Variants in CARMIL1 observed in about 807,000 individuals in gnomAD.
CARMIL1 encodes the protein F-actin-uncapping protein LRRC16A.
CARMIL1 carries 90 observed loss-of-function variants against 177.1 expected under a neutral mutation model. The ratio of observed to expected loss-of-function variants is 0.51; its 90% confidence interval spans 0.43 to 0.61. The LOEUF (loss-of-function observed/expected upper bound fraction) is 0.61. CARMIL1 is among the 20% of genes least tolerant of loss of function. CARMIL1 has a pLI of 0.00. For missense variants in CARMIL1, 1,380 were observed against 1,667.0 expected (o/e 0.83, Z 3.00); for synonymous variants, 577 against 606.2 (o/e 0.95, Z 0.71).
At chr6:25,334,058 TTA>T (rs1386819623) in intron 2 of CARMIL1, among the ~76,000 whole-genome samples, 1 of 152,212 alleles carries the variant, frequency 6.6e-6, no homozygotes, top group Non-Finnish European at 1.5e-5. Flanking sequence ...CTTAAAGTGG[TTA>T]TTCTTTCTTC....
At chr6:25,537,825 G>A (rs1395475069) in intron 24 of CARMIL1, 30 bp from the exon 25 acceptor site, 2 of 1,607,338 alleles carry the variant, frequency 1.2e-6, no homozygotes, top group African/African-American at 2.7e-5. Context: ...GGGCTGACTT[G>A]GATGCTTGCC....
intron 2 of CARMIL1, among the ~76,000 whole-genome samples, chr6:25,354,186 T>C (rs938324891): frequency 2.0e-5 from 3 of 151,908 alleles, no homozygotes; most frequent in African/African-American, 4.8e-5. Context: ...TTTGGGACAG[T>C]ATTTTGTCTG....
intron 2 of CARMIL1, among the ~76,000 whole-genome samples, chr6:25,372,935 G>A (rs972435511): frequency 6.6e-6 from 1 of 152,008 alleles, no homozygotes; most frequent in Non-Finnish European, 1.5e-5. Context: ...CTAGTTTGTT[G>A]AGAATTTTTA....
At chr6:25,406,363 G>T (rs1316042778) in intron 2 of CARMIL1, among the ~76,000 whole-genome samples, 1 of 152,194 alleles carries the variant, frequency 6.6e-6, no homozygotes, top group Non-Finnish European at 1.5e-5. Flanking sequence ...TGGCTGGGTT[G>T]AAGTGAGGCT....
intron 2 of CARMIL1, among the ~76,000 whole-genome samples, chr6:25,414,721 G>A (rs1795219365): frequency 1.3e-5 from 2 of 152,024 alleles, no homozygotes; most frequent in African/African-American, 4.8e-5. Context: ...ACCCACAAGT[G>A]GGTACAGTTT....
intron 2 of CARMIL1, among the ~76,000 whole-genome samples, chr6:25,359,232 C>T (rs1200017097): frequency 6.6e-6 from 1 of 152,188 alleles, no homozygotes; most frequent in African/African-American, 2.4e-5. Flanking sequence ...GACTTGGACT[C>T]ACTGATTTGT....
intron 12 of CARMIL1, among the ~76,000 whole-genome samples, chr6:25,485,925 A>G (rs1009482758): frequency 6.7e-6 from 1 of 150,024 alleles, no homozygotes; most frequent in African/African-American, 2.4e-5. Context: ...TGGCTCGATA[A>G]CGCAAGACAG....
At chr6:25,436,985 G>T (rs755763961) in intron 5 of CARMIL1, among the ~76,000 whole-genome samples, 7 of 152,092 alleles carry the variant, frequency 4.6e-5, no homozygotes, top group Non-Finnish European at 1.0e-4. Context: ...AGCAGTGGGT[G>T]GTTGGATGAG....
intron 2 of CARMIL1, among the ~76,000 whole-genome samples, chr6:25,413,178 T>G (rs1268907277): frequency 2.0e-5 from 3 of 152,122 alleles, no homozygotes; most frequent in Non-Finnish European, 4.4e-5. Context: ...TAATGAGGTT[T>G]TATCTGTAAC....
intron 2 of CARMIL1, among the ~76,000 whole-genome samples, chr6:25,414,751 T>G (rs1436307363): frequency 6.6e-6 from 1 of 152,170 alleles, no homozygotes; most frequent in African/African-American, 2.4e-5. Flanking sequence ...TTGGAAGATT[T>G]CCTCTATTCC....
At chr6:25,568,776 C>A (rs562139033) in intron 29 of CARMIL1, among the ~76,000 whole-genome samples, 3 of 152,226 alleles carry the variant, frequency 2.0e-5, no homozygotes, top group Admixed American at 1.3e-4. Flanking sequence ...TGACCTCTTC[C>A]CTCTAGGTAA....
At chr6:25,421,580 T>C (rs1187882869) in intron 3 of CARMIL1, among the ~76,000 whole-genome samples, 1 of 151,968 alleles carries the variant, frequency 6.6e-6, no homozygotes, top group Non-Finnish European at 1.5e-5. Context: ...CACACGTATG[T>C]TTATTGCGGC....
intron 2 of CARMIL1, 101 bp from the exon 3 acceptor site, chr6:25,420,013 C>A: frequency 1.2e-6 from 1 of 846,044 alleles, no homozygotes; most frequent in Non-Finnish European, 2.0e-6. Context: ...AGCCATGTGG[C>A]CTTCTGAGGT....
intron 2 of CARMIL1, among the ~76,000 whole-genome samples, chr6:25,354,993 G>A (rs1323574281): frequency 6.6e-6 from 1 of 152,164 alleles, no homozygotes; most frequent in African/African-American, 2.4e-5. Flanking sequence ...AAGCTGGCGA[G>A]TCTACTGACA....
chr6:25,358,149 C>G (rs570225842), intron 2 of CARMIL1, among the ~76,000 whole-genome samples: 5 of 152,252 alleles, frequency 3.3e-5, no homozygotes, highest in African/African-American at 1.2e-4. Context: ...CATTTCTGAG[C>G]AAAATTGTGA....
At chr6:25,412,399 T>C (rs1401338597) in intron 2 of CARMIL1, among the ~76,000 whole-genome samples, 1 of 152,148 alleles carries the variant, frequency 6.6e-6, no homozygotes, top group Non-Finnish European at 1.5e-5. Flanking sequence ...CTGGGAAACA[T>C]GGCAATACCC....
chr6:25,314,527 C>T (rs58084308), intron 2 of CARMIL1, among the ~76,000 whole-genome samples: 36 of 109,132 alleles, frequency 3.3e-4, no homozygotes, highest in Admixed American at 1.9e-3. Flanking sequence ...CATACATACA[C>T]ATATATACGT....
intron 2 of CARMIL1, among the ~76,000 whole-genome samples, chr6:25,380,621 C>T (rs1307940384): frequency 6.6e-6 from 1 of 152,160 alleles, no homozygotes; most frequent in East Asian, 1.9e-4. Flanking sequence ...AATTAGATTT[C>T]ATGTTTGATA....
chr6:25,610,121 G>A lies in CARMIL1; in HGVS notation c.3919G>A (p.Asp1307Asn). 4 of 1,613,870 alleles carry A rather than the reference G, an allele frequency of 2.5e-6. No individual in the cohort carries two copies. Among genetic ancestry groups the A allele is most frequent in the Non-Finnish European group, 3.4e-6 (4 of 1,179,860 alleles). ...ACCTGTCCTGAAAAAAGTTCCTTCAGACAAAGAGAGAGATGGCCAGAGTAG... is the reference window on the plus strand; with the variant it reads ...ACCTGTCCTGAAAAAAGTTCCTTCAAACAAAGAGAGAGATGGCCAGAGTAG... The part of the protein sequence containing the change: ...LPPVLKKVPS[D>N]KERDGQSSPQ... Residue 1307 changes from aspartate (D) to asparagine (N), a missense_variant, in exon 36 of 37, where the codon GAC becomes AAC. Physicochemically the swap from Asp to Asn is conservative, Grantham distance 23. Coordinates refer to ENST00000329474, the MANE Select transcript of CARMIL1 (RefSeq NM_017640.6).
Sources: allele counts gnomAD v4.1 joint callset (sites outside exome capture counted in the v4.1 genomes callset), GRCh38; gene constraint gnomAD v4.1.1; transcripts MANE v1.5; gene names NCBI Gene and HGNC (gene_info 2026-07-23, HGNC 2026-07-21).